Variants in LRMDA observed in about 807,000 individuals in gnomAD.
LRMDA encodes leucine rich melanocyte differentiation associated, also known as leucine-rich melanocyte differentiation-associated protein.
A neutral mutation model predicts 29.8 loss-of-function variants in LRMDA; 18 were observed. The ratio of observed to expected loss-of-function variants is 0.60; its 90% CI spans 0.42 to 0.90. The LOEUF (loss-of-function observed/expected upper bound fraction) is 0.90. Ranked by LOEUF, LRMDA falls within the 40% of genes least tolerant of loss-of-function variation. The pLI, the probability that LRMDA is intolerant of heterozygous loss-of-function variation, is 0.00. For missense variants in LRMDA, 273 were observed against 273.9 expected (o/e 1.00, Z 0.02); for synonymous variants, 125 against 109.4 (o/e 1.14, Z -0.89).
chr10:75,819,551 C>T (rs780186771), intron 2 of LRMDA, among the ~76,000 whole-genome samples: 1 of 152,114 alleles, frequency 6.6e-6, no homozygotes, highest in Non-Finnish European at 1.5e-5. Context: ...ATAAAAGGAC[C>T]TCTTAGGCAT....
At chr10:76,021,059 A>G (rs1261890599) in intron 2 of LRMDA, among the ~76,000 whole-genome samples, 2 of 152,336 alleles carry the variant, frequency 1.3e-5, no homozygotes, top group East Asian at 3.9e-4. Context: ...GATATAACCT[A>G]TTGTGCCCAT....
At chr10:76,022,771 T>C (rs1164232278) in intron 2 of LRMDA, among the ~76,000 whole-genome samples, 1 of 152,106 alleles carries the variant, frequency 6.6e-6, no homozygotes, top group Non-Finnish European at 1.5e-5. Context: ...GCTCAATAAA[T>C]ATTTGCTGTA....
intron 2 of LRMDA, among the ~76,000 whole-genome samples, chr10:76,015,571 A>G (rs776047837): frequency 1.8e-4 from 28 of 152,172 alleles, no homozygotes; most frequent in Non-Finnish European, 3.5e-4. Context: ...AGTGATATCC[A>G]TCACGTCTGC....
intron 5 of LRMDA, among the ~76,000 whole-genome samples, chr10:76,159,577 C>T (rs562651179): frequency 5.3e-5 from 8 of 152,096 alleles, no homozygotes; most frequent in Non-Finnish European, 1.2e-4. Context: ...TAGAAACTTG[C>T]GTTCAGGTGC....
intron 3 of LRMDA, among the ~76,000 whole-genome samples, chr10:76,043,414 A>G (rs1427939152): frequency 6.6e-6 from 1 of 152,196 alleles, no homozygotes; most frequent in Non-Finnish European, 1.5e-5. Flanking sequence ...TGTTACTCCT[A>G]CACAATGTAC....
intron 5 of LRMDA, among the ~76,000 whole-genome samples, chr10:76,253,563 C>T (rs1852526059): frequency 6.6e-6 from 1 of 151,516 alleles, no homozygotes; most frequent in Non-Finnish European, 1.5e-5. Flanking sequence ...CTAGCTCATT[C>T]TAGGTAAAAA....
chr10:75,443,560 T>TTGA (rs1465801465), intron 2 of LRMDA, among the ~76,000 whole-genome samples: 3 of 152,220 alleles, frequency 2.0e-5, no homozygotes, highest in Non-Finnish European at 4.4e-5. Context: ...TAAATCCCAC[T>TTGA]TGATGATGGT....
At chr10:76,505,764 A>G (rs1164657299) in intron 6 of LRMDA, among the ~76,000 whole-genome samples, 2 of 152,116 alleles carry the variant, frequency 1.3e-5, no homozygotes, top group African/African-American at 2.4e-5. Flanking sequence ...GTGTCATTTT[A>G]GTCATTTCAA....
rs535665887 is a variant in LRMDA at position 75,733,676 on chromosome 10, C to T, written c.131+295182C>T. Among the ~76,000 whole-genome samples, 8 of 152,200 alleles carry T rather than the reference C, an allele frequency of 5.3e-5. No individual in the cohort carries two copies. In the South Asian group the frequency reaches 1.5e-3, roughly 28 times the overall value. On this transcript the variant is annotated intron_variant, in intron 2 of 6. Transcript: ENST00000611255. ...TTTGCTGCTTCTTGCCGTGCCATTG[C>T]TGGAAGGGAAAGGAAGGGGAAGGGA...
chr10:76,343,611 A>G (rs1247862663), intron 6 of LRMDA, among the ~76,000 whole-genome samples: 2 of 152,158 alleles, frequency 1.3e-5, no homozygotes, highest in Non-Finnish European at 2.9e-5. Context: ...CTTCCTTAAT[A>G]TGAAAAAACA....
At chr10:76,233,279 G>C (rs923531146) in intron 5 of LRMDA, among the ~76,000 whole-genome samples, 3 of 152,200 alleles carry the variant, frequency 2.0e-5, no homozygotes, top group Non-Finnish European at 2.9e-5. Flanking sequence ...TGAGGTGTAT[G>C]ATAACATTAT....
chr10:75,838,172 T>C (rs1844475065), intron 2 of LRMDA, among the ~76,000 whole-genome samples: 1 of 152,212 alleles, frequency 6.6e-6, no homozygotes, highest in African/African-American at 2.4e-5. Context: ...ACCATTGTGA[T>C]TAAAACTGGT....
At position 76,481,629 on chromosome 10, in the gene LRMDA, A is replaced by G. The variant is rs74148488; in HGVS notation, c.602-75580A>G. 9.8e-3 allele frequency among the ~76,000 whole-genome samples: 1,487 copies of G among 151,966 alleles called. 23 individuals are homozygous for G. Among genetic ancestry groups the G allele is most frequent in the African/African-American group, 0.034 (1,425 of 41,520 alleles). The stretch of plus-strand genomic sequence containing the variant: ...GGTCTCAGGTATACATTTAGCTCTT[A>G]TTTTTTATCTCCAACTTTCTTTGTG... On this transcript the variant is annotated intron_variant, in intron 6 of 6. Transcript: ENST00000611255.
intron 2 of LRMDA, among the ~76,000 whole-genome samples, chr10:75,940,392 C>T (rs1315669965): frequency 6.6e-6 from 1 of 152,114 alleles, no homozygotes. Context: ...GGTGGTTGCT[C>T]TCACACTGTT....
Position 76,058,597 on chromosome 10 carries a change from G to C in LRMDA, c.399-69G>C, listed in dbSNP as rs1848652723. 3.1e-6 allele frequency: 4 copies of C among 1,285,650 alleles called. No homozygotes were observed. The Admixed American group carries it at 6.7e-5, about 22-fold the overall frequency. 79.6% of individuals were successfully genotyped at this position (1,285,650 alleles called of 1,614,324 possible). On this transcript the variant is annotated intron_variant, in intron 4 of 6. Coordinates refer to ENST00000611255, the MANE Select transcript of LRMDA (RefSeq NM_001305581.2). ...GGATGGTGTGGATTCTTGAAGATCA[G>C]ACAAGCTGTCGGGATCTCTGAGGCT...
At chr10:75,621,656 ATGAACCAC>A (rs1252565591) in intron 2 of LRMDA, among the ~76,000 whole-genome samples, 1 of 152,164 alleles carries the variant, frequency 6.6e-6, no homozygotes, top group Non-Finnish European at 1.5e-5. Context: ...GGGGAGGCCT[ATGAACCAC>A]TGGTGTTTAT....
intron 2 of LRMDA, among the ~76,000 whole-genome samples, chr10:75,862,011 C>T (rs766702659): frequency 6.6e-5 from 10 of 152,216 alleles, no homozygotes; most frequent in Middle Eastern, 3.4e-3. Flanking sequence ...CCATCTTGGA[C>T]GTTCCAATTC....
chr10:76,455,656 G>C (rs1008345884), intron 6 of LRMDA, among the ~76,000 whole-genome samples: 16 of 152,070 alleles, frequency 1.1e-4, no homozygotes, highest in Non-Finnish European at 4.4e-5. Flanking sequence ...CACTTCTCTG[G>C]GAGACAAGGC....
At chr10:75,918,949 G>C (rs543811963) in intron 2 of LRMDA, among the ~76,000 whole-genome samples, 1 of 152,326 alleles carries the variant, frequency 6.6e-6, no homozygotes, top group Admixed American at 6.5e-5. Context: ...AGTTAGGAGA[G>C]TTGTCCTGCA....
Sources: gnomAD v4.1 joint callset for allele counts (sites outside exome capture counted in the v4.1 genomes callset) on GRCh38, gnomAD v4.1.1 for gene constraint, MANE v1.5 for transcripts, NCBI Gene and HGNC (gene_info 2026-07-23, HGNC 2026-07-21) for gene names.